DAAM2: variants seen among roughly 807,000 people sequenced by gnomAD.
DAAM2 encodes the protein dishevelled associated activator of morphogenesis 2.
Under a neutral mutation model 120.7 loss-of-function variants are expected in DAAM2, and 39 were observed. The observed-to-expected ratio is 0.32, with a 90% CI of 0.25 to 0.42. DAAM2 has a LOEUF of 0.42. Among genes scored for constraint, DAAM2 ranks in the 10% least tolerant of loss-of-function variants. The pLI, the probability that DAAM2 is intolerant of heterozygous loss-of-function variation, is 1.00. For synonymous variants in DAAM2, 488 were observed against 524.9 expected, an observed-to-expected ratio of 0.93 and a Z score of 0.96; for missense variants, 1,283 against 1,401.7, an observed-to-expected ratio of 0.92 and a Z score of 1.35.
At position 39,809,595 on chromosome 6, in the gene DAAM2, G is replaced by T. The variant is rs116418871; in HGVS notation, c.-57+17130G>T. Among the ~76,000 whole-genome samples, 1,023 of 152,214 alleles carry T rather than the reference G, an allele frequency of 6.7e-3. 6 individuals are homozygous for T. The highest frequency in any genetic ancestry group is 0.022 in the African/African-American group (932 of 41,528). ...TTCTGTGGTTAAAGAAATTTAAGTA[G>T]CCCTTTTCCATCTCCCCTACTTTTC... On this transcript the variant is annotated intron_variant, in intron 1 of 24. Coordinates refer to ENST00000274867, the MANE Select transcript of DAAM2 (RefSeq NM_001201427.2).
At chr6:39,877,365 C>T (rs1376510479) in intron 11 of DAAM2, among the ~76,000 whole-genome samples, 1 of 152,174 alleles carries the variant, frequency 6.6e-6, no homozygotes, top group East Asian at 1.9e-4. Flanking sequence ...TACCTCCCTC[C>T]CAACTTCAGG....
At chr6:39,832,269 G>C (rs1228906051) in intron 1 of DAAM2, among the ~76,000 whole-genome samples, 1 of 151,974 alleles carries the variant, frequency 6.6e-6, no homozygotes, top group Non-Finnish European at 1.5e-5. Flanking sequence ...CCCAGTGAGG[G>C]GGTCCCAGAG....
intron 1 of DAAM2, among the ~76,000 whole-genome samples, chr6:39,796,782 C>T (rs554660496): frequency 1.3e-5 from 2 of 152,008 alleles, no homozygotes; most frequent in South Asian, 4.2e-4. Context: ...AGTTCTGGCA[C>T]CACCAGGTCA....
intron 1 of DAAM2, among the ~76,000 whole-genome samples, chr6:39,841,260 G>A (rs1763322742): frequency 9.4e-6 from 1 of 105,960 alleles, no homozygotes; most frequent in African/African-American, 5.1e-5. Flanking sequence ...TGGGAAGAGG[G>A]GCTCCGGGGG....
At chr6:39,811,504 G>C (rs62401815) in intron 1 of DAAM2, among the ~76,000 whole-genome samples, 2,054 of 152,148 alleles carry the variant, frequency 0.013, 22 homozygotes, top group South Asian at 0.043. Context: ...GAGCTCGTGG[G>C]CAACACCAAA....
At chr6:39,849,297 G>T (rs1763717339) in intron 1 of DAAM2, among the ~76,000 whole-genome samples, 1 of 152,148 alleles carries the variant, frequency 6.6e-6, no homozygotes, top group African/African-American at 2.4e-5. Flanking sequence ...GCTGAACATG[G>T]CCCCTGTAAT....
At chr6:39,860,267 C>T (rs746389140) in intron 2 of DAAM2, among the ~76,000 whole-genome samples, 1 of 152,240 alleles carries the variant, frequency 6.6e-6, no homozygotes, top group Non-Finnish European at 1.5e-5. Flanking sequence ...TCTTGCTGGT[C>T]CTGCAGTGGG....
intron 2 of DAAM2, among the ~76,000 whole-genome samples, chr6:39,858,988 C>G (rs1203884056): frequency 6.6e-6 from 1 of 152,166 alleles, no homozygotes; most frequent in Non-Finnish European, 1.5e-5. Context: ...AAGGACCGAG[C>G]AGTCAGCAGT....
chr6:39,893,357 A>G (rs1026458830), intron 19 of DAAM2, among the ~76,000 whole-genome samples: 12 of 152,170 alleles, frequency 7.9e-5, no homozygotes, highest in African/African-American at 2.9e-4. Context: ...TCTACTAAAA[A>G]ATACAAAAAA....
At chr6:39,839,414 AGTTT>A in intron 1 of DAAM2, among the ~76,000 whole-genome samples, 1 of 152,210 alleles carries the variant, frequency 6.6e-6, no homozygotes, top group Non-Finnish European at 1.5e-5. Context: ...ATGTGCACTT[AGTTT>A]GAGATGTTCT....
At chr6:39,869,049 T>G in intron 7 of DAAM2, 116 bp downstream of exon 7, 1 of 773,944 alleles carries the variant, frequency 1.3e-6, no homozygotes, top group South Asian at 1.7e-5. Flanking sequence ...GGAGGGCTCC[T>G]GGGGAGTTGC....
chr6:39,864,470 C>A lies in DAAM2; in HGVS notation c.296C>A (p.Pro99His). 2.5e-6 allele frequency: 4 copies of A among 1,612,888 alleles called. No homozygotes were observed. Among genetic ancestry groups the A allele is most frequent in the Non-Finnish European group, 3.4e-6 (4 of 1,179,768 alleles). The change falls in exon 4 of 25, where the codon CCT becomes CAT. Residue 99 changes from proline (P) to histidine (H), a missense_variant. Physicochemically the swap from Pro to His is moderately conservative, Grantham distance 77. This residue lies in a region of DAAM2 where 197 missense variants were observed against 189.3 expected (regional missense o/e 1.04). Coordinates refer to ENST00000274867, the MANE Select transcript of DAAM2 (RefSeq NM_001201427.2). ...EDPNKLATSWPDYYIDRINSM... is the reference protein window; with the variant it reads ...EDPNKLATSWHDYYIDRINSM... ...CCCAACAAGCTGGCAACCAGCTGGC[C>A]TGACTATTACATCGACCGCATCAAT...
Position 39,878,368 on chromosome 6 carries a change from CCTT to C in DAAM2, c.1361-33_1361-31del, listed in dbSNP as rs774822972. 42 of 1,609,038 alleles carry C rather than the reference CCTT, an allele frequency of 2.6e-5. No individual in the cohort carries two copies. In the Middle Eastern group the frequency reaches 4.9e-4, roughly 19 times the overall value. Reference sequence around the variant, plus strand: ...GGGAGTCACATTACTCACATTCTCTCCTTCTGTTTCCTCTCCCGTCCCACCCCC... The same window carrying C: ...GGGAGTCACATTACTCACATTCTCTCCTGTTTCCTCTCCCGTCCCACCCCC... On this transcript the variant is annotated intron_variant, in intron 12 of 24. Transcript: ENST00000274867. This position sits in a 1 kb window ranked among gnomAD's most constrained non-coding sequence, Gnocchi z 5.0.
intron 1 of DAAM2, among the ~76,000 whole-genome samples, chr6:39,833,472 G>GT (rs1188077538): frequency 1.3e-5 from 2 of 152,048 alleles, no homozygotes; most frequent in African/African-American, 2.4e-5. Context: ...ACCTGGCTAA[G>GT]TTTTTTCATA....
At chr6:39,794,409 A>G (rs986448722) in intron 1 of DAAM2, among the ~76,000 whole-genome samples, 1 of 152,168 alleles carries the variant, frequency 6.6e-6, no homozygotes, top group African/African-American at 2.4e-5. Context: ...CCTAACTCCC[A>G]GCTGAGTTTT....
intron 10 of DAAM2, among the ~76,000 whole-genome samples, chr6:39,874,819 A>G (rs1764803774): frequency 6.6e-6 from 1 of 152,166 alleles, no homozygotes; most frequent in African/African-American, 2.4e-5. Context: ...AATTTTCTCG[A>G]GTTCCATTAA....
chr6:39,866,102 C>G (rs1764419987), intron 5 of DAAM2, among the ~76,000 whole-genome samples: 1 of 152,178 alleles, frequency 6.6e-6, no homozygotes, highest in African/African-American at 2.4e-5. Context: ...GCTCTCTCCC[C>G]AGGAGACTAG....
Position 39,901,511 on chromosome 6 carries a change from G to T in DAAM2, c.2982+39G>T. 1.3e-6 allele frequency: 2 copies of T among 1,578,618 alleles called. No homozygotes were observed. The highest frequency in any genetic ancestry group is 1.7e-6 in the Non-Finnish European group (2 of 1,167,670). On this transcript the variant is annotated intron_variant, in intron 24 of 24. Coordinates refer to ENST00000274867, the MANE Select transcript of DAAM2 (RefSeq NM_001201427.2). This position sits in a 1 kb window ranked among gnomAD's most constrained non-coding sequence, Gnocchi z 4.5. ...CCAGGCCTGGGACTGAGGGGAGACG[G>T]GTGCTACTTGGGGAGAACACCCCCA... is the stretch of plus-strand genomic sequence containing the variant.
Position 39,879,463 on chromosome 6 carries a change from G to A in DAAM2, c.1831G>A (p.Val611Met). ...TCACCCACTGAAGTCCTTCAACTGG[G>A]TGAAGCTGAATGAGGTGAGCATCTG... ...PSHPLKSFNW[V>M]KLNEERVPGT... Residue 611 changes from valine (V) to methionine (M), a missense_variant, in exon 14 of 25, where the codon GTG (valine) becomes ATG (methionine). By Grantham distance (21) the Val-to-Met change is conservative (BLOSUM62 1). Around this residue, in one of 3 missense-constraint regions of DAAM2, gnomAD observed 748 missense variants for 768.6 expected, o/e 0.97. Transcript: ENST00000274867. 6.2e-7 allele frequency: 1 copy of A among 1,614,036 alleles called. No homozygotes were observed. The highest frequency in any genetic ancestry group is 1.3e-5 in the African/African-American group (1 of 75,052).
Sources: allele counts gnomAD v4.1 joint callset (sites outside exome capture counted in the v4.1 genomes callset), GRCh38; gene constraint gnomAD v4.1.1; regional missense constraint gnomAD v4.1.1; non-coding constraint Gnocchi (gnomAD v3.1); transcripts MANE v1.5; gene names NCBI Gene and HGNC (gene_info 2026-07-23, HGNC 2026-07-21).